Variants in MAGI2 observed in about 807,000 individuals in gnomAD.
MAGI2 encodes membrane associated guanylate kinase, WW and PDZ domain containing 2.
In MAGI2, 35 loss-of-function variants were observed where a neutral mutation model predicts 133.3. That is an observed-to-expected ratio of 0.26 (90% CI 0.20 to 0.35). The LOEUF (loss-of-function observed/expected upper bound fraction) is 0.35. Ranked by LOEUF, MAGI2 falls within the 10% of genes least tolerant of loss-of-function variation. The probability of loss-of-function intolerance (pLI) is 1.00; values close to 1 mark genes in which losing one functional copy is unlikely to be tolerated. For synonymous variants in MAGI2, 729 were observed against 710.6 expected, an observed-to-expected ratio of 1.03 and a Z score of -0.41; for missense variants, 1,636 against 1,863.4, an observed-to-expected ratio of 0.88 and a Z score of 2.25.
intron 1 of MAGI2, among the ~76,000 whole-genome samples, chr7:79,230,201 T>C (rs993832282): frequency 6.7e-6 from 1 of 150,090 alleles, no homozygotes. Flanking sequence ...TTGTTGGACA[T>C]TTGGGTTGGT....
At chr7:78,717,611 C>T (rs1298158348) in intron 2 of MAGI2, among the ~76,000 whole-genome samples, 1 of 152,132 alleles carries the variant, frequency 6.6e-6, no homozygotes, top group Non-Finnish European at 1.5e-5. Context: ...GTAGTATCTA[C>T]TTTAAACATA....
intron 1 of MAGI2, among the ~76,000 whole-genome samples, chr7:79,245,224 A>G (rs1327909490): frequency 6.6e-6 from 1 of 151,786 alleles, no homozygotes; most frequent in East Asian, 2.0e-4. Context: ...ATGGGGAGGG[A>G]CTCCTTTTGT....
chr7:79,096,952 G>A (rs1000731942), intron 1 of MAGI2, among the ~76,000 whole-genome samples: 4 of 152,022 alleles, frequency 2.6e-5, no homozygotes, highest in African/African-American at 9.7e-5. Flanking sequence ...AATGTTATTC[G>A]TTATCTCCCC....
chr7:79,057,224 A>G (rs543440742), intron 1 of MAGI2, among the ~76,000 whole-genome samples: 4 of 152,304 alleles, frequency 2.6e-5, no homozygotes, highest in East Asian at 1.9e-4. Flanking sequence ...TAGAGATGAC[A>G]TGGCTCAACC....
At chr7:78,558,400 T>G (rs998172402) in intron 3 of MAGI2, among the ~76,000 whole-genome samples, 2 of 152,184 alleles carry the variant, frequency 1.3e-5, no homozygotes, top group Non-Finnish European at 2.9e-5. Context: ...TCCTTTAGTA[T>G]TATTCATGAT....
At chr7:78,516,804 C>T (rs61319278) in intron 4 of MAGI2, among the ~76,000 whole-genome samples, 4,674 of 152,248 alleles carry the variant, frequency 0.031, 135 homozygotes, top group African/African-American at 0.069. Flanking sequence ...AGTGATATTT[C>T]GAAGGCAAGG....
chr7:78,283,143 T>TA (rs1795797153), intron 9 of MAGI2, among the ~76,000 whole-genome samples: 1 of 152,120 alleles, frequency 6.6e-6, no homozygotes, highest in Non-Finnish European at 1.5e-5. Flanking sequence ...GGATTTCCTT[T>TA]GAAAATAATT....
At chr7:78,328,733 T>G (rs181782140) in intron 9 of MAGI2, among the ~76,000 whole-genome samples, 1 of 152,060 alleles carries the variant, frequency 6.6e-6, no homozygotes, top group Non-Finnish European at 1.5e-5. Flanking sequence ...TCTAAGTAAT[T>G]TTTTCATACC....
intron 3 of MAGI2, among the ~76,000 whole-genome samples, chr7:78,596,454 G>A (rs1426563556): frequency 6.6e-6 from 1 of 152,302 alleles, no homozygotes; most frequent in Non-Finnish European, 1.5e-5. Flanking sequence ...AAAATATAAC[G>A]TGGTGAGTGC....
Position 79,071,024 on chromosome 7 carries a change from G to A in MAGI2, c.302-63818C>T, listed in dbSNP as rs559309020. 1.7e-4 allele frequency among the ~76,000 whole-genome samples: 26 copies of A among 152,240 alleles called. No homozygotes were observed. The South Asian group carries it at 1.9e-3, about 11-fold the overall frequency. On this transcript the variant is annotated intron_variant, in intron 1 of 21. Coordinates refer to ENST00000354212, the MANE Select transcript of MAGI2 (RefSeq NM_012301.4). Reference sequence around the variant, plus strand: ...TGTGATCCTTCGAAGGAGAAGAGGCGTTCTGGTTTTTGGAGTTTTCAGCCT... The same window carrying A: ...TGTGATCCTTCGAAGGAGAAGAGGCATTCTGGTTTTTGGAGTTTTCAGCCT...
chr7:79,386,928 C>T (rs1844223129), intron 1 of MAGI2, among the ~76,000 whole-genome samples: 1 of 151,950 alleles, frequency 6.6e-6, no homozygotes, highest in Non-Finnish European at 1.5e-5. Context: ...AAGCCCTCAC[C>T]AGACACTGAA....
intron 7 of MAGI2, among the ~76,000 whole-genome samples, chr7:78,365,594 C>G (rs1463169324): frequency 6.6e-6 from 1 of 152,142 alleles, no homozygotes; most frequent in East Asian, 1.9e-4. Flanking sequence ...GTGATAGAAA[C>G]TGTTAAGCAC....
chr7:79,032,161 A>G (rs1810649239), intron 1 of MAGI2, among the ~76,000 whole-genome samples: 1 of 152,198 alleles, frequency 6.6e-6, no homozygotes, highest in Non-Finnish European at 1.5e-5. Context: ...TGTAAATTTT[A>G]TACTTCAAAG....
chr7:78,110,439 TG>T (rs1373073611), intron 20 of MAGI2, among the ~76,000 whole-genome samples: 6 of 152,042 alleles, frequency 3.9e-5, no homozygotes, highest in Non-Finnish European at 8.8e-5. Context: ...AGATGAAAAA[TG>T]AATGCGCTGA....
At chr7:78,428,203 A>G (rs1229996002) in intron 6 of MAGI2, among the ~76,000 whole-genome samples, 2 of 152,198 alleles carry the variant, frequency 1.3e-5, no homozygotes, top group Non-Finnish European at 2.9e-5. Flanking sequence ...TGATATTGCT[A>G]TGGAGGAATT....
At chr7:78,129,290 T>C (rs566533178) in intron 18 of MAGI2, among the ~76,000 whole-genome samples, 3 of 151,982 alleles carry the variant, frequency 2.0e-5, no homozygotes, top group African/African-American at 7.3e-5. Flanking sequence ...GGATTTTAAG[T>C]TGAACTACAC....
At chr7:78,144,392 A>C (rs966092676) in intron 16 of MAGI2, among the ~76,000 whole-genome samples, 9 of 152,188 alleles carry the variant, frequency 5.9e-5, no homozygotes, top group Non-Finnish European at 1.2e-4. Flanking sequence ...CTTCCTCTGC[A>C]TCCCACCTGC....
chr7:79,310,303 C>T (rs1838182242), intron 1 of MAGI2, among the ~76,000 whole-genome samples: 1 of 148,636 alleles, frequency 6.7e-6, no homozygotes, highest in Admixed American at 6.7e-5. Flanking sequence ...TACAGCAATC[C>T]ATGGAGGGAT....
intron 1 of MAGI2, among the ~76,000 whole-genome samples, chr7:79,191,997 C>T (rs769029272): frequency 6.6e-6 from 1 of 151,752 alleles, no homozygotes; most frequent in Non-Finnish European, 1.5e-5. Flanking sequence ...ATTTTCAGTC[C>T]TATGGCTAGT....
Sources: allele counts gnomAD v4.1 joint callset (sites outside exome capture counted in the v4.1 genomes callset), GRCh38; gene constraint gnomAD v4.1.1; transcripts MANE v1.5; gene names NCBI Gene and HGNC (gene_info 2026-07-23, HGNC 2026-07-21).